The following BICD1 variants were observed in gnomAD, a reference collection of about 807,000 sequenced individuals.
The protein encoded by BICD1 is BICD cargo adaptor 1.
BICD1 carries 35 observed loss-of-function variants against 92.5 expected under a neutral mutation model. The observed-to-expected ratio is 0.38, with a 90% confidence interval of 0.29 to 0.50. The LOEUF (loss-of-function observed/expected upper bound fraction) is 0.50. Ranked by LOEUF, BICD1 falls within the 20% of genes least tolerant of loss-of-function variation. The pLI, the probability that BICD1 is intolerant of heterozygous loss-of-function variation, is 0.93. For synonymous variants in BICD1, 429 were observed against 465.1 expected (o/e 0.92, Z 1.00); for missense variants, 950 against 1,189.8 (o/e 0.80, Z 2.97).
chr12:32,142,461 T>TCTATC (rs1555134299), intron 1 of BICD1, among the ~76,000 whole-genome samples: 25 of 59,016 alleles, frequency 4.2e-4, no homozygotes, highest in South Asian at 7.3e-4. Flanking sequence ...ATCCTATCTA[T>TCTATC]CTATCTATCT....
At chr12:32,303,180 C>CGAGATTACAGGCCTGAGATTACAGGTGCT (rs912151618) in intron 3 of BICD1, among the ~76,000 whole-genome samples, 1 of 152,072 alleles carries the variant, frequency 6.6e-6, no homozygotes, top group African/African-American at 2.4e-5. Context: ...AGCAATTCAC[C>CGAGATTACAGGCCTGAGATTACAGGTGCT]GAGATTACAG....
At chr12:32,218,951 T>C (rs537302618) in intron 2 of BICD1, among the ~76,000 whole-genome samples, 2 of 152,350 alleles carry the variant, frequency 1.3e-5, no homozygotes, top group African/African-American at 4.8e-5. Flanking sequence ...TTCTATTTTT[T>C]GGTGTATTGA....
At chr12:32,325,814 C>T (rs932036638) in intron 4 of BICD1, among the ~76,000 whole-genome samples, 41 of 152,064 alleles carry the variant, frequency 2.7e-4, no homozygotes, top group African/African-American at 9.6e-4. Context: ...GTGGCTCACG[C>T]CTATAATCTT....
intron 1 of BICD1, among the ~76,000 whole-genome samples, chr12:32,151,222 C>T (rs902300758): frequency 2.0e-5 from 3 of 152,148 alleles, no homozygotes; most frequent in Admixed American, 6.5e-5. Context: ...GTTCCCAGCT[C>T]CCCCAGAGGC....
At chr12:32,323,346 G>T (rs1948702472) in intron 4 of BICD1, among the ~76,000 whole-genome samples, 1 of 152,202 alleles carries the variant, frequency 6.6e-6, no homozygotes, top group African/African-American at 2.4e-5. Context: ...GTGGACCACA[G>T]CTAACCAATT....
intron 9 of BICD1, among the ~76,000 whole-genome samples, chr12:32,369,105 A>C (rs1939633053): frequency 6.6e-6 from 1 of 152,238 alleles, no homozygotes; most frequent in East Asian, 1.9e-4. Flanking sequence ...AAAAATTGTT[A>C]AAACAGGTTT....
At chr12:32,300,688 G>C (rs1490695625) in intron 3 of BICD1, among the ~76,000 whole-genome samples, 2 of 126,438 alleles carry the variant, frequency 1.6e-5, no homozygotes, top group African/African-American at 5.8e-5. Flanking sequence ...CTTTTGCCCA[G>C]GCTGGAGTGC....
intron 1 of BICD1, among the ~76,000 whole-genome samples, chr12:32,187,563 T>G (rs1944452521): frequency 6.6e-6 from 1 of 151,818 alleles, no homozygotes; most frequent in Non-Finnish European, 1.5e-5. Context: ...TCCCAGCTAC[T>G]CAGGAGGCTG....
chr12:32,106,998 A>G lies in BICD1; in HGVS notation c.-334A>G, dbSNP rs1941491784. 3 of 292,950 alleles carry G rather than the reference A, an allele frequency of 1.0e-5. No homozygotes were observed. In the South Asian group the frequency reaches 1.3e-4, roughly 12 times the overall value. The allele number at this position is 292,950 out of a possible 1,614,324, so 18.1% of individuals were successfully genotyped here. A position where few individuals can be genotyped will look rare whatever the true frequency, so the allele number is the denominator to read the frequency against. On this transcript the variant is annotated 5_prime_UTR_variant, in exon 1 of 10. Transcript: ENST00000652176. ...GCGTCTCTGAATAAGCAGAATCCGGAGCCCCTCGCTACCCGCGGCCGCCGC... is the reference window on the plus strand; with the variant it reads ...GCGTCTCTGAATAAGCAGAATCCGGGGCCCCTCGCTACCCGCGGCCGCCGC...
chr12:32,175,772 T>A (rs1318239608), intron 1 of BICD1, among the ~76,000 whole-genome samples: 1 of 152,232 alleles, frequency 6.6e-6, no homozygotes, highest in African/African-American at 2.4e-5. Flanking sequence ...ATTCAATAAT[T>A]TTTAGTAGCT....
At chr12:32,161,948 G>T (rs1369026389) in intron 1 of BICD1, among the ~76,000 whole-genome samples, 1 of 152,146 alleles carries the variant, frequency 6.6e-6, no homozygotes, top group Non-Finnish European at 1.5e-5. Flanking sequence ...ATAAAAAAAA[G>T]CTGTCAAGAT....
intron 2 of BICD1, among the ~76,000 whole-genome samples, chr12:32,238,449 A>G (rs922299741): frequency 2.6e-5 from 4 of 152,140 alleles, no homozygotes; most frequent in Non-Finnish European, 5.9e-5. Flanking sequence ...AGACACTGTG[A>G]AAGTTGTCGA....
At chr12:32,268,847 A>C (rs1311848349) in intron 2 of BICD1, among the ~76,000 whole-genome samples, 1 of 152,154 alleles carries the variant, frequency 6.6e-6, no homozygotes, top group South Asian at 2.1e-4. Context: ...AAAGTTAATA[A>C]TTATTATTGT....
At chr12:32,306,366 C>G (rs1948217309) in intron 4 of BICD1, among the ~76,000 whole-genome samples, 1 of 152,060 alleles carries the variant, frequency 6.6e-6, no homozygotes, top group Non-Finnish European at 1.5e-5. Flanking sequence ...GCCTCAGCCT[C>G]CCGAGTAGCT....
chr12:32,369,184 C>A (rs1939635551), intron 9 of BICD1, among the ~76,000 whole-genome samples: 1 of 152,234 alleles, frequency 6.6e-6, no homozygotes, highest in Non-Finnish European at 1.5e-5. Context: ...CTTTCCAAAT[C>A]AGTCATGAAT....
At chr12:32,190,199 A>G (rs1180193962) in intron 1 of BICD1, among the ~76,000 whole-genome samples, 1 of 152,248 alleles carries the variant, frequency 6.6e-6, no homozygotes, top group Non-Finnish European at 1.5e-5. Context: ...AGAAAGGAAC[A>G]AATGAACTGC....
At position 32,233,931 on chromosome 12, in the gene BICD1, A is replaced by T. The variant is rs1324085464; in HGVS notation, c.426+17472A>T. On this transcript the variant is annotated intron_variant, in intron 2 of 9. Coordinates refer to ENST00000652176, the MANE Select transcript of BICD1 (RefSeq NM_001714.4). ...TTACAGATTAATCTAAAAATCAAGG[A>T]TACCAGAATCTACTCAGGACTTAAC... 4.6e-5 allele frequency among the ~76,000 whole-genome samples: 7 copies of T among 152,358 alleles called. No individual in the cohort carries two copies. The South Asian group carries it at 1.2e-3, about 27-fold the overall frequency.
intron 1 of BICD1, among the ~76,000 whole-genome samples, chr12:32,215,642 G>A (rs1356760559): frequency 5.9e-5 from 9 of 151,958 alleles, no homozygotes; most frequent in Non-Finnish European, 1.3e-4. Flanking sequence ...TTCTTGATAA[G>A]AGTTGTCTAA....
At chr12:32,357,843 G>C (rs1306073300) in intron 8 of BICD1, among the ~76,000 whole-genome samples, 1 of 152,096 alleles carries the variant, frequency 6.6e-6, no homozygotes, top group Non-Finnish European at 1.5e-5. Flanking sequence ...TCTTGTAAAG[G>C]TCCTGTCTTC....
Sources: gnomAD v4.1 joint callset for allele counts (sites outside exome capture counted in the v4.1 genomes callset) on GRCh38, gnomAD v4.1.1 for gene constraint, MANE v1.5 for transcripts, NCBI Gene and HGNC (gene_info 2026-07-23, HGNC 2026-07-21) for gene names.